The following ANKRD26 variants were observed in gnomAD, a reference collection of about 807,000 sequenced individuals.
The protein encoded by ANKRD26 is ankyrin repeat domain-containing protein 26.
ANKRD26 carries 141 observed loss-of-function variants against 208.7 expected under a neutral mutation model. The observed-to-expected ratio is 0.68, with a 90% CI of 0.59 to 0.78. ANKRD26 has a LOEUF of 0.78. ANKRD26 is among the 30% of genes least tolerant of loss of function. The pLI is 0.00. For synonymous variants in ANKRD26, 636 were observed against 660.4 expected, an observed-to-expected ratio of 0.96 and a Z score of 0.57; for missense variants, 1,889 against 1,938.7, an observed-to-expected ratio of 0.97 and a Z score of 0.48.
chr10:27,060,274 T>A, intron 15 of ANKRD26, 71 bp downstream of exon 15: 1 of 1,324,258 alleles, frequency 7.6e-7, no homozygotes, highest in South Asian at 1.2e-5. Flanking sequence ...AAGAAAACTG[T>A]GAGCATTTCA....
At chr10:26,968,498 G>A in the ANKRD26 span, among the ~76,000 whole-genome samples, 25 of 152,248 alleles carry the variant, frequency 1.6e-4, no homozygotes, top group South Asian at 2.5e-3. Flanking sequence ...TGGTAACCTC[G>A]CTGTGATTCT....
chr10:27,061,938 C>G (rs2135454459), intron 12 of ANKRD26: 1 of 984,836 alleles, frequency 1.0e-6, no homozygotes, highest in Middle Eastern at 5.2e-4. Flanking sequence ...CCAATTCTAG[C>G]ATGCCCTCCT....
the ANKRD26 span, among the ~76,000 whole-genome samples, chr10:26,952,431 G>C: frequency 6.6e-6 from 1 of 152,010 alleles, no homozygotes; most frequent in Non-Finnish European, 1.5e-5. Context: ...TATGCCCTTT[G>C]CTGTAGGTTT....
intron 10 of ANKRD26, among the ~76,000 whole-genome samples, chr10:27,066,891 T>G (rs1205756267): frequency 6.6e-6 from 1 of 152,084 alleles, no homozygotes; most frequent in Non-Finnish European, 1.5e-5. Context: ...CACTGCAACT[T>G]CTGTCTCCCA....
chr10:27,019,018 G>A lies in ANKRD26; in HGVS notation c.4216-1226C>T, dbSNP rs565659085. 3.9e-5 allele frequency among the ~76,000 whole-genome samples: 6 copies of A among 152,218 alleles called. No individual in the cohort carries two copies. The South Asian group carries it at 1.2e-3, about 32-fold the overall frequency. On this transcript the variant is annotated intron_variant, in intron 29 of 33. Transcript: ENST00000376087. ...CTGGCCAGGTGCGGTGGCTCACTGAGCCTGTAAATCCCAGCACTTTGGGAG... is the reference window on the plus strand; with the variant it reads ...CTGGCCAGGTGCGGTGGCTCACTGAACCTGTAAATCCCAGCACTTTGGGAG...
chr10:27,046,566 G>T, intron 17 of ANKRD26, 43 bp from the exon 18 acceptor site: 1 of 1,569,124 alleles, frequency 6.4e-7, no homozygotes. Context: ...TAAGAAAAAA[G>T]AAAAAAAGAA....
At chr10:26,991,392 A>C (rs911967274), downstream of ANKRD26, among the ~76,000 whole-genome samples, 81 of 152,132 alleles carry the variant, frequency 5.3e-4, no homozygotes, top group African/African-American at 1.9e-3. Flanking sequence ...GATGATTTTG[A>C]GGGCTTCAAT....
At chr10:27,051,137 T>C (rs1452913409) in intron 16 of ANKRD26, 2 of 1,290,354 alleles carry the variant, frequency 1.5e-6, no homozygotes, top group East Asian at 5.5e-5. Flanking sequence ...TTTTAAACCT[T>C]TGCATATCTT....
At chr10:27,092,559 C>A (rs1052138719) in intron 3 of ANKRD26, 47 bp from the exon 4 acceptor site, 2 of 1,370,102 alleles carry the variant, frequency 1.5e-6, no homozygotes, top group Non-Finnish European at 2.1e-6. Flanking sequence ...TTACATAATT[C>A]TCGGCTGAAC....
chr10:27,093,748 G>A lies in ANKRD26; in HGVS notation c.294C>T (p.Leu98=). 6.2e-7 allele frequency: 1 copy of A among 1,614,226 alleles called. No homozygotes were observed. The highest frequency in any genetic ancestry group is 8.5e-7 in the Non-Finnish European group (1 of 1,180,044). ...TGAGCTGGCATTTTCTGTCCACCAG[G>A]AGAGTTACTACTTCTGGATGACCAT... ...CANGHPEVVT[L]LVDRKCQLNV... The change falls in exon 2 of 34, where the codon CTC becomes CTT. Residue 98 remains leucine (L), a synonymous_variant. Transcript: ENST00000376087.
At chr10:26,998,655 C>G (rs867306163) in intron 4 of ANKRD26, among the ~76,000 whole-genome samples, 3 of 152,144 alleles carry the variant, frequency 2.0e-5, no homozygotes, top group Middle Eastern at 3.2e-3. Flanking sequence ...AGCCTTTGAC[C>G]AGAATTGATA....
chr10:26,955,486 T>C, the ANKRD26 span, among the ~76,000 whole-genome samples: 1 of 152,088 alleles, frequency 6.6e-6, no homozygotes, highest in African/African-American at 2.4e-5. Context: ...TGTGTATATA[T>C]GTGTGTGTAT....
intron 15 of ANKRD26, among the ~76,000 whole-genome samples, chr10:27,057,935 C>CA (rs76921203): frequency 0.017 from 1,444 of 83,604 alleles, 16 homozygotes; most frequent in East Asian, 0.074. Flanking sequence ...GACTCCATCT[C>CA]AAAAAAAAAA....
intron 29 of ANKRD26, 105 bp downstream of exon 29, chr10:27,022,453 T>G (rs1021201320): frequency 1.2e-5 from 12 of 992,070 alleles, no homozygotes; most frequent in Non-Finnish European, 8.7e-6. Flanking sequence ...ATCAAGTCCC[T>G]AAAGTTAAAA....
chr10:26,995,688 T>C (rs988941327), intron 4 of ANKRD26, among the ~76,000 whole-genome samples: 1 of 152,212 alleles, frequency 6.6e-6, no homozygotes, highest in Non-Finnish European at 1.5e-5. Context: ...GCTCAGTCCT[T>C]GGACTCAGAT....
intron 4 of ANKRD26, among the ~76,000 whole-genome samples, chr10:26,995,352 G>A (rs898700116): frequency 2.0e-5 from 3 of 152,168 alleles, no homozygotes; most frequent in Non-Finnish European, 4.4e-5. Context: ...AAGGGAAGTG[G>A]CTGATGTTGC....
chr10:27,060,361 T>C lies in ANKRD26; in HGVS notation c.1548A>G (p.Val516=), dbSNP rs777251948. ...AACATTTACCTGCTTTGGATGTTTG[T>C]ACATCCTTCATTCCTCCTGCTTTAT... ...VPNKAGGMKD[V]QTSKAAEHDL... The change falls in exon 15 of 34, where the codon GTA becomes GTG. Residue 516 remains valine (V), a synonymous_variant. Coordinates refer to ENST00000376087, the MANE Select transcript of ANKRD26 (RefSeq NM_014915.3). 5 of 1,610,100 alleles carry C rather than the reference T, an allele frequency of 3.1e-6. No homozygotes were observed. The highest frequency in any genetic ancestry group is 4.2e-6 in the Non-Finnish European group (5 of 1,176,634).
intron 28 of ANKRD26, among the ~76,000 whole-genome samples, chr10:27,023,938 T>C (rs546620673): frequency 6.7e-6 from 1 of 149,502 alleles, no homozygotes; most frequent in Non-Finnish European, 1.5e-5. Flanking sequence ...ATGGGGGATA[T>C]CCATGGGAAA....
intron 18 of ANKRD26, among the ~76,000 whole-genome samples, chr10:27,045,192 G>A (rs1301614075): frequency 2.0e-5 from 3 of 152,192 alleles, no homozygotes; most frequent in African/African-American, 7.2e-5. Flanking sequence ...GGGAGGCCAA[G>A]GTGGGCAGAT....
Sources: gnomAD v4.1 joint callset for allele counts (sites outside exome capture counted in the v4.1 genomes callset) on GRCh38, gnomAD v4.1.1 for gene constraint, MANE v1.5 for transcripts, NCBI Gene and HGNC (gene_info 2026-07-23, HGNC 2026-07-21) for gene names.